Variants in MAST3 observed in about 807,000 individuals in gnomAD.
MAST3 encodes microtubule-associated serine/threonine-protein kinase 3.
In MAST3, 43 loss-of-function variants were observed where a neutral mutation model predicts 127.0. The ratio of observed to expected loss-of-function variants is 0.34; its 90% CI spans 0.27 to 0.44. The LOEUF (loss-of-function observed/expected upper bound fraction) is 0.44, where lower values mean the gene tolerates loss of function less well. Among genes scored for constraint, MAST3 ranks in the 20% least tolerant of loss-of-function variants. MAST3 has a pLI of 1.00. For missense variants in MAST3, 1,390 were observed against 1,919.1 expected (o/e 0.72, Z 5.15); for synonymous variants, 785 against 809.2 (o/e 0.97, Z 0.51).
intron 3 of MAST3, among the ~76,000 whole-genome samples, chr19:18,119,536 A>G (rs1236777544): frequency 1.3e-5 from 2 of 152,186 alleles, no homozygotes; most frequent in African/African-American, 4.8e-5. Flanking sequence ...GGTCATTCCC[A>G]ACTCTGGGGC....
chr19:18,131,024 A>C (rs2041217664), intron 14 of MAST3, among the ~76,000 whole-genome samples: 1 of 152,228 alleles, frequency 6.6e-6, no homozygotes, highest in Admixed American at 6.5e-5. Context: ...CAGGTAAAGT[A>C]CTATTACCAA....
rs1599904254 is a variant in MAST3 at position 18,145,593 on chromosome 19, T to A, written c.3040-150T>A. ...GGGGGCGTAGGAGCTGGGGCTTTGA[T>A]GGGTGAGTAGGAGTTCCCCCAGGAT... is the stretch of plus-strand genomic sequence containing the variant. On this transcript the variant is annotated intron_variant, in intron 24 of 27. Coordinates refer to ENST00000687212, the MANE Select transcript of MAST3 (RefSeq NM_001393504.1). This position sits in a 1 kb window ranked among gnomAD's most constrained non-coding sequence, Gnocchi z 5.9. 12 of 902,164 alleles carry A rather than the reference T, an allele frequency of 1.3e-5. No individual in the cohort carries two copies. The East Asian group carries it at 3.5e-4, about 26-fold the overall frequency. The allele number at this position is 902,164 out of a possible 1,614,324, so 55.9% of individuals were successfully genotyped here. A position where few individuals can be genotyped will look rare whatever the true frequency, so the allele number is the denominator to read the frequency against.
At chr19:18,135,606 C>T in intron 17 of MAST3, 134 bp from the exon 18 acceptor site, 1 of 664,528 alleles carries the variant, frequency 1.5e-6, no homozygotes, top group Non-Finnish European at 2.7e-6. Flanking sequence ...GGTACCAAGC[C>T]TGCCACGTTG....
At chr19:18,102,004 C>A (rs2037673280) in intron 1 of MAST3, among the ~76,000 whole-genome samples, 1 of 151,362 alleles carries the variant, frequency 6.6e-6, no homozygotes. Flanking sequence ...CCTCAGCCTC[C>A]CGAGTAGCTG....
Position 18,145,171 on chromosome 19 carries a change from G to A in MAST3, c.2981G>A (p.Arg994Gln), listed in dbSNP as rs1379464919. 29 of 1,613,932 alleles carry A rather than the reference G, an allele frequency of 1.8e-5. No individual in the cohort carries two copies. The highest frequency in any genetic ancestry group is 3.3e-5 in the Admixed American group (2 of 60,022). Residue 994 changes from arginine to glutamine, a missense_variant, in exon 24 of 28, where the codon CGG (arginine) becomes CAG (glutamine). By Grantham distance (43) the Arg-to-Gln change is conservative (BLOSUM62 1). Around this residue, in one of 5 missense-constraint regions of MAST3, gnomAD observed 816 missense variants for 934.1 expected, o/e 0.87. Transcript: ENST00000687212. The surrounding 1 kb of genome is among the most constrained non-coding windows in gnomAD (Gnocchi z 5.9). ...SSGKKYGFSL[R>Q]AIRVYMGDSD... ...GGCAAGAAGTACGGCTTCAGCCTGC[G>A]GGCGATCCGCGTCTACATGGGTGAT...
intron 3 of MAST3, among the ~76,000 whole-genome samples, chr19:18,113,205 T>C (rs907776897): frequency 6.6e-6 from 1 of 151,870 alleles, no homozygotes; most frequent in Admixed American, 6.6e-5. Context: ...GGCGGGGGAA[T>C]GGGTCCCTGC....
intron 3 of MAST3, among the ~76,000 whole-genome samples, chr19:18,120,681 A>G (rs1000257468): frequency 6.6e-6 from 1 of 151,966 alleles, no homozygotes; most frequent in African/African-American, 2.4e-5. Flanking sequence ...GATTATAAGC[A>G]TGCACTACCA....
At chr19:18,118,242 A>G (rs1395536757) in intron 3 of MAST3, 31 of 984,956 alleles carry the variant, frequency 3.1e-5, no homozygotes, top group South Asian at 4.7e-5. Context: ...GCGCTGCTGC[A>G]GCGCTCCAAG....
chr19:18,137,861 G>A (rs1184930590), intron 19 of MAST3, among the ~76,000 whole-genome samples: 1 of 152,190 alleles, frequency 6.6e-6, no homozygotes, highest in East Asian at 1.9e-4. Flanking sequence ...GGTCTTCTCT[G>A]AGCTTCTGTT....
rs550941227 is a variant in MAST3 at position 18,124,371 on chromosome 19, GT to G, written c.945+8del. 235 of 1,594,106 alleles carry G rather than the reference GT, an allele frequency of 1.5e-4. No homozygotes were observed. In the African/African-American group the frequency reaches 2.7e-3, roughly 18 times the overall value. ...GCTCGGCTGCTGGAGTGTCTGGTAA[GT>G]TTCTCTTTCTACGGCCAGCTTGGGG... is the stretch of plus-strand genomic sequence containing the variant. On this transcript the variant is annotated splice_donor_region_variant and intron_variant, in intron 10 of 27. Transcript: ENST00000687212.
chr19:18,110,545 T>C lies in MAST3; in HGVS notation c.72-107T>C. 1.2e-6 allele frequency: 1 copy of C among 843,422 alleles called. No individual in the cohort carries two copies. Among genetic ancestry groups the C allele is most frequent in the Non-Finnish European group, 1.4e-6 (1 of 699,844 alleles). The allele number at this position is 843,422 out of a possible 1,614,324, so 52.2% of individuals were successfully genotyped here. On this transcript the variant is annotated intron_variant, in intron 2 of 27. Transcript: ENST00000687212. The surrounding 1 kb of genome is among the most constrained non-coding windows in gnomAD (Gnocchi z 4.3). ...GAGCTGAACCCAGAATCCCCGGTCTTGGGCCCCTACTCCCTGAGGGAACCG... is the reference window on the plus strand; with the variant it reads ...GAGCTGAACCCAGAATCCCCGGTCTCGGGCCCCTACTCCCTGAGGGAACCG...
chr19:18,115,308 G>T (rs1471184120), intron 3 of MAST3, among the ~76,000 whole-genome samples: 3 of 152,066 alleles, frequency 2.0e-5, no homozygotes, highest in Non-Finnish European at 4.4e-5. Flanking sequence ...ATGGGAGAAG[G>T]TTCTCTCCCT....
chr19:18,134,550 C>G, intron 15 of MAST3, 29 bp from the exon 16 acceptor site: 1 of 1,591,270 alleles, frequency 6.3e-7, no homozygotes, highest in Non-Finnish European at 8.6e-7. Flanking sequence ...AGCCCCCCAG[C>G]TCTGAGCACA....
rs781466132 is a variant in MAST3 at position 18,128,857 on chromosome 19, A to G, written c.1138-9A>G. 1 of 1,611,714 alleles carries G rather than the reference A, an allele frequency of 6.2e-7. No individual in the cohort carries two copies. Among genetic ancestry groups the G allele is most frequent in the Non-Finnish European group, 8.5e-7 (1 of 1,179,124 alleles). ...CGGGGCAGGACCCTAAGCCCTTCCC[A>G]TCCCCTAGAGCCGCGCCCTGGTCGG... On this transcript the variant is annotated splice_polypyrimidine_tract_variant and intron_variant, in intron 12 of 27. Transcript: ENST00000687212.
intron 11 of MAST3, among the ~76,000 whole-genome samples, chr19:18,128,171 G>A (rs1379838549): frequency 6.6e-6 from 1 of 152,214 alleles, no homozygotes; most frequent in Admixed American, 6.5e-5. Flanking sequence ...GTTTGATCAT[G>A]ACTGAGCACT....
chr19:18,099,151 G>A (rs2146728377), intron 1 of MAST3, among the ~76,000 whole-genome samples: 1 of 152,072 alleles, frequency 6.6e-6, no homozygotes, highest in East Asian at 1.9e-4. Flanking sequence ...TCTCCAACCT[G>A]GAGCCGCACC....
At chr19:18,135,101 T>C in intron 17 of MAST3, 119 bp downstream of exon 17, 1 of 1,249,494 alleles carries the variant, frequency 8.0e-7, no homozygotes, top group Non-Finnish European at 1.1e-6. Context: ...GGATGCCAGG[T>C]GGGGAGGCGG....
At chr19:18,129,152 C>G (rs373701311) in intron 13 of MAST3, 1 of 585,958 alleles carries the variant, frequency 1.7e-6, no homozygotes, top group Non-Finnish European at 3.0e-6. Flanking sequence ...GCTCTGTCCA[C>G]GAGCCAGGCC....
chr19:18,149,639 C>A lies in MAST3; in HGVS notation c.3957C>A (p.Ala1319=), dbSNP rs2043386200. ...GCTTCGATGAGCCGCAGGAGGAGGC[C>A]ACTGGGCTGCCCACCTCAGTGCCAC... ...EVSFDEPQEE[A]TGLPTSVPQI... The change falls in exon 28 of 28, where the codon GCC becomes GCA. Residue 1319 remains alanine (A), a synonymous_variant. Coordinates refer to ENST00000687212, the MANE Select transcript of MAST3 (RefSeq NM_001393504.1). The surrounding 1 kb of genome is among the most constrained non-coding windows in gnomAD (Gnocchi z 5.9). 6.2e-7 allele frequency: 1 copy of A among 1,613,280 alleles called. No individual in the cohort carries two copies. The highest frequency in any genetic ancestry group is 1.3e-5 in the African/African-American group (1 of 75,066).
Sources: gnomAD v4.1 joint callset for allele counts (sites outside exome capture counted in the v4.1 genomes callset) on GRCh38, gnomAD v4.1.1 for gene constraint, gnomAD v4.1.1 regional missense constraint, Gnocchi (gnomAD v3.1) non-coding constraint, MANE v1.5 for transcripts, NCBI Gene and HGNC (gene_info 2026-07-23, HGNC 2026-07-21) for gene names.